NDUFA5: variants seen among roughly 807,000 people sequenced by gnomAD.
The protein encoded by NDUFA5 is NADH:ubiquinone oxidoreductase subunit A5, also known as NADH dehydrogenase [ubiquinone] 1 alpha subcomplex subunit 5.
A neutral mutation model predicts 19.8 loss-of-function variants in NDUFA5; 11 were observed. That is an observed-to-expected ratio of 0.56 (90% CI 0.35 to 0.92). The LOEUF (loss-of-function observed/expected upper bound fraction) is 0.92. Ranked by LOEUF, NDUFA5 falls within the 40% of genes least tolerant of loss-of-function variation. The pLI is 0.01. For synonymous variants in NDUFA5, 47 were observed against 46.8 expected (o/e 1.00, Z -0.01); for missense variants, 109 against 134.2 (o/e 0.81, Z 0.93).
chr7:123,557,855 A>G, upstream of NDUFA5: 1 of 1,610,890 alleles, frequency 6.2e-7, no homozygotes, highest in Non-Finnish European at 8.5e-7. Context: ...GACCTGCTCA[A>G]TCGACCACCG....
chr7:123,557,065 C>G (rs377166623), intron 2 of NDUFA5: 42 of 537,838 alleles, frequency 7.8e-5, no homozygotes, highest in Admixed American at 1.3e-4. Flanking sequence ...TGTAATCCAA[C>G]GCACCTAAGC....
chr7:123,591,932 A>G, the NDUFA5 span, among the ~76,000 whole-genome samples: 4 of 151,976 alleles, frequency 2.6e-5, no homozygotes, highest in Non-Finnish European at 4.4e-5. Context: ...CTGGCCCCAG[A>G]CTTTTTTTTG....
upstream of NDUFA5, among the ~76,000 whole-genome samples, chr7:123,559,474 G>T (rs1009426731): frequency 6.6e-6 from 1 of 152,158 alleles, no homozygotes; most frequent in African/African-American, 2.4e-5. Context: ...GTATTACTCT[G>T]ATTCCAACCA....
chr7:123,570,180 G>A, the NDUFA5 span, among the ~76,000 whole-genome samples: 12 of 151,706 alleles, frequency 7.9e-5, no homozygotes, highest in South Asian at 4.2e-4. Flanking sequence ...GACCACAGGC[G>A]CCCGCCACCA....
chr7:123,578,761 T>C, the NDUFA5 span, among the ~76,000 whole-genome samples: 12 of 152,134 alleles, frequency 7.9e-5, no homozygotes, highest in Non-Finnish European at 1.6e-4. Context: ...CTTCCTCTTA[T>C]AGATTCAGGC....
the NDUFA5 span, among the ~76,000 whole-genome samples, chr7:123,594,515 G>A: frequency 6.6e-6 from 1 of 152,138 alleles, no homozygotes; most frequent in Non-Finnish European, 1.5e-5. Flanking sequence ...CTGTTTGTTA[G>A]TTTTCCTTCT....
At chr7:123,578,434 A>G in the NDUFA5 span, among the ~76,000 whole-genome samples, 1 of 151,370 alleles carries the variant, frequency 6.6e-6, no homozygotes, top group Admixed American at 6.6e-5. Flanking sequence ...CTGTGAACAT[A>G]CCCCTCTTTC....
chr7:123,545,519 TA>T, intron 4 of NDUFA5, 91 bp downstream of exon 4: 1 of 999,758 alleles, frequency 1.0e-6, no homozygotes, highest in Non-Finnish European at 1.6e-6. Context: ...CGAGTTGATA[TA>T]AACAAGGAAA....
At chr7:123,557,270 T>C in intron 2 of NDUFA5, 134 bp downstream of exon 2, 1 of 1,254,994 alleles carries the variant, frequency 8.0e-7, no homozygotes, top group Non-Finnish European at 1.1e-6. Flanking sequence ...ACAGCGCCCG[T>C]GTCTCAAGAG....
chr7:123,551,803 C>T (rs1356707488), intron 2 of NDUFA5, among the ~76,000 whole-genome samples: 2 of 152,246 alleles, frequency 1.3e-5, no homozygotes, highest in East Asian at 3.9e-4. Flanking sequence ...AGTTGATCCT[C>T]TCCAATTTAA....
At chr7:123,548,707 T>G (rs1409113562) in intron 3 of NDUFA5, among the ~76,000 whole-genome samples, 2 of 152,172 alleles carry the variant, frequency 1.3e-5, no homozygotes, top group Non-Finnish European at 2.9e-5. Flanking sequence ...TTTTACCCTG[T>G]TAGGCCAGTG....
chr7:123,565,787 C>A, the NDUFA5 span, among the ~76,000 whole-genome samples: 1 of 152,128 alleles, frequency 6.6e-6, no homozygotes, highest in African/African-American at 2.4e-5. Context: ...GAGGCCAAGG[C>A]GGGTGGATTT....
chr7:123,557,590 GC>G, intron 1 of NDUFA5, 142 bp from the exon 2 acceptor site: 5 of 1,612,964 alleles, frequency 3.1e-6, no homozygotes, highest in Non-Finnish European at 4.2e-6. Flanking sequence ...CTTGTTTGGA[GC>G]TTTTTTCCTG....
intron 3 of NDUFA5, chr7:123,546,586 T>C (rs1158055851): frequency 2.9e-6 from 3 of 1,029,664 alleles, no homozygotes; most frequent in African/African-American, 1.7e-5. Flanking sequence ...TACCCACATA[T>C]GTAAATAAGG....
At position 123,556,897 on chromosome 7, in the gene NDUFA5, T is replaced by C. The variant is rs757908487; in HGVS notation, c.66+507A>G. Reference sequence around the variant, plus strand: ...AGAAAATAGAGATAACTCTTTTGAGTTATCTGTAAAGTGAAGCAAAGAAAT... The same window carrying C: ...AGAAAATAGAGATAACTCTTTTGAGCTATCTGTAAAGTGAAGCAAAGAAAT... On this transcript the variant is annotated intron_variant, in intron 2 of 4. Coordinates refer to ENST00000355749, the MANE Select transcript of NDUFA5 (RefSeq NM_005000.5). 6 of 510,198 alleles carry C rather than the reference T, an allele frequency of 1.2e-5. No individual in the cohort carries two copies. The East Asian group carries it at 1.6e-4, about 14-fold the overall frequency. 31.6% of individuals were successfully genotyped at this position (510,198 alleles called of 1,614,324 possible).
chr7:123,589,359 T>C, the NDUFA5 span, among the ~76,000 whole-genome samples: 1 of 151,258 alleles, frequency 6.6e-6, no homozygotes, highest in Non-Finnish European at 1.5e-5. Context: ...CAAGGGTACA[T>C]ATGCACAATG....
chr7:123,590,883 C>T, the NDUFA5 span, among the ~76,000 whole-genome samples: 3 of 152,182 alleles, frequency 2.0e-5, no homozygotes, highest in East Asian at 1.9e-4. Context: ...TATAAATTAC[C>T]TTGGGCAGTA....
intron 3 of NDUFA5, chr7:123,546,645 G>A (rs1453691420): frequency 7.8e-7 from 1 of 1,274,538 alleles, no homozygotes; most frequent in Admixed American, 2.4e-5. Context: ...AATAAAGAGG[G>A]AGAAAATAAT....
At chr7:123,595,774 A>G in the NDUFA5 span, among the ~76,000 whole-genome samples, 1 of 152,188 alleles carries the variant, frequency 6.6e-6, no homozygotes, top group East Asian at 1.9e-4. Context: ...TAGTGAGCCA[A>G]TTCACTATCA....
Sources: gnomAD v4.1 joint callset for allele counts (sites outside exome capture counted in the v4.1 genomes callset) on GRCh38, gnomAD v4.1.1 for gene constraint, MANE v1.5 for transcripts, NCBI Gene and HGNC (gene_info 2026-07-23, HGNC 2026-07-21) for gene names.